The following TEAD2 variants were observed in gnomAD, a reference collection of about 807,000 sequenced individuals.
The protein encoded by TEAD2 is TEA domain transcription factor 2.
Under a neutral mutation model 61.4 loss-of-function variants are expected in TEAD2, and 51 were observed. The observed-to-expected ratio is 0.83, with a 90% CI of 0.66 to 1.05. The LOEUF (loss-of-function observed/expected upper bound fraction) is 1.05, where lower values mean the gene tolerates loss of function less well. Among genes scored for constraint, TEAD2 ranks in the 50% least tolerant of loss-of-function variants. TEAD2 has a pLI of 0.00. For synonymous variants in TEAD2, 244 were observed against 243.2 expected (o/e 1.00, Z -0.03); for missense variants, 509 against 600.0 (o/e 0.85, Z 1.58).
intron 1 of TEAD2, among the ~76,000 whole-genome samples, 156 bp downstream of exon 1, chr19:49,362,177 C>A (rs962191610): frequency 4.1e-4 from 63 of 152,350 alleles, no homozygotes; most frequent in African/African-American, 1.4e-3. Flanking sequence ...CGCAGGCACC[C>A]TAACTCCGGC....
chr19:49,348,376 G>C (rs992568022), intron 9 of TEAD2, among the ~76,000 whole-genome samples: 8 of 152,128 alleles, frequency 5.3e-5, no homozygotes, highest in African/African-American at 1.9e-4. Context: ...ACTCAAACAC[G>C]TTTGATAAAT....
At chr19:49,346,034 G>C (rs560864137) in intron 10 of TEAD2, among the ~76,000 whole-genome samples, 1 of 151,698 alleles carries the variant, frequency 6.6e-6, no homozygotes, top group East Asian at 1.9e-4. Flanking sequence ...GCATGGTCGT[G>C]CATGCCTGTA....
chr19:49,343,557 T>C (rs1268357045), intron 10 of TEAD2, among the ~76,000 whole-genome samples, 159 bp from the exon 11 acceptor site: 1 of 152,026 alleles, frequency 6.6e-6, no homozygotes, highest in Non-Finnish European at 1.5e-5. Flanking sequence ...CTGACCAACA[T>C]GGAGAAACCC....
Position 49,348,736 on chromosome 19 carries a change from T to A in TEAD2, c.714A>T (p.Ser238=), listed in dbSNP as rs1345452003. 1.2e-6 allele frequency: 2 copies of A among 1,613,832 alleles called. No homozygotes were observed. Among genetic ancestry groups the A allele is most frequent in the Non-Finnish European group, 1.7e-6 (2 of 1,180,000 alleles). Residue 238 remains serine (S), a synonymous_variant, in exon 9 of 13, where the codon TCA becomes TCT. Coordinates refer to ENST00000593945, the MANE Select transcript of TEAD2 (RefSeq NM_001256660.2). The part of the protein sequence containing the change: ...GTARLQLVEF[S]AFVEPPDAVD... ...CTGCATCTGGCGGTTCCACGAAGGC[T>A]GAGAACTCTACCAGCTGCAACCGGG... is the stretch of plus-strand genomic sequence containing the variant.
At position 49,340,770 on chromosome 19, in the gene TEAD2, C is replaced by T. The variant is rs1311057026; in HGVS notation, c.*554G>A. 2.5e-5 allele frequency: 5 copies of T among 200,158 alleles called. No homozygotes were observed. Among genetic ancestry groups the T allele is most frequent in the Admixed American group, 5.5e-5 (1 of 18,294 alleles). The allele number at this position is 200,158 out of a possible 1,614,324, so 12.4% of individuals were successfully genotyped here. ...GACCCTAGCACCCACTTATAAATAT[C>T]TCGTTATATTAAAAAAAAAAAAAAT... On this transcript the variant is annotated 3_prime_UTR_variant, in exon 13 of 13. Transcript: ENST00000593945.
chr19:49,351,016 T>C (rs774436207), intron 8 of TEAD2, among the ~76,000 whole-genome samples: 4 of 151,786 alleles, frequency 2.6e-5, no homozygotes, highest in Non-Finnish European at 5.9e-5. Context: ...CGATCTCTAC[T>C]AAAAATACAA....
intron 11 of TEAD2, among the ~76,000 whole-genome samples, chr19:49,342,797 G>C (rs1291160731): frequency 6.6e-6 from 1 of 151,940 alleles, no homozygotes; most frequent in Non-Finnish European, 1.5e-5. Flanking sequence ...CAAATCACAA[G>C]CCCCTCAAAG....
At chr19:49,346,284 C>G (rs1244986394) in intron 10 of TEAD2, among the ~76,000 whole-genome samples, 1 of 152,010 alleles carries the variant, frequency 6.6e-6, no homozygotes, top group African/African-American at 2.4e-5. Flanking sequence ...CAAGATGGGC[C>G]CTCTTAGTCC....
chr19:49,341,106 T>C lies in TEAD2; in HGVS notation c.*218A>G. ...TCAGACACCCACTGTGAGGTCCCAATATCGGGGTTTATCCTTTCCTCAGTC... is the reference window on the plus strand; with the variant it reads ...TCAGACACCCACTGTGAGGTCCCAACATCGGGGTTTATCCTTTCCTCAGTC... On this transcript the variant is annotated 3_prime_UTR_variant, in exon 13 of 13. Transcript: ENST00000593945. This position sits in a 1 kb window ranked among gnomAD's most constrained non-coding sequence, Gnocchi z 4.2. 1.9e-6 allele frequency: 1 copy of C among 520,572 alleles called. No individual in the cohort carries two copies. The allele number at this position is 520,572 out of a possible 1,614,324, so 32.2% of individuals were successfully genotyped here.
Position 49,355,158 on chromosome 19 carries a change from T to G in TEAD2, c.529A>C (p.Asn177His). 6.2e-7 allele frequency: 1 copy of G among 1,609,230 alleles called. No homozygotes were observed. Among genetic ancestry groups the G allele is most frequent in the Non-Finnish European group, 8.5e-7 (1 of 1,177,710 alleles). The change falls in exon 7 of 13, where the codon AAT (asparagine) becomes CAT (histidine). Residue 177 changes from asparagine (N) to histidine (H), a missense_variant. By Grantham distance (68) the Asn-to-His change is moderately conservative. Transcript: ENST00000593945. The stretch of plus-strand genomic sequence containing the variant: ...ACACATAGTACTCACTCTGGAACAT[T>G]CCAGGGGGGCCCAGATCCTCCAGAC... ...FWSGGSGPPW[N>H]VPDVKPFSQT...
At chr19:49,356,614 C>A (rs1463028496) in intron 4 of TEAD2, among the ~76,000 whole-genome samples, 3 of 151,962 alleles carry the variant, frequency 2.0e-5, no homozygotes, top group Non-Finnish European at 2.9e-5. Flanking sequence ...GAAAACAAAC[C>A]AGCGGAGATG....
rs1600794723 is a variant in TEAD2, at chr19:49,359,616, T to G, written c.233-117A>C. On this transcript the variant is annotated intron_variant, in intron 2 of 12. Coordinates refer to ENST00000593945, the MANE Select transcript of TEAD2 (RefSeq NM_001256660.2). The surrounding 1 kb of genome is among the most constrained non-coding windows in gnomAD (Gnocchi z 4.1). ...CCCCAAAGGTCTGCAGCAAGTGGGC[T>G]GCCGGTCCCCTCAGCTACGTGGAAG... 6.4e-6 allele frequency: 8 copies of G among 1,259,636 alleles called. No homozygotes were observed. In the East Asian group the frequency reaches 1.9e-4, roughly 29 times the overall value. The allele number at this position is 1,259,636 out of a possible 1,614,324, so 78.0% of individuals were successfully genotyped here. A position where few individuals can be genotyped will look rare whatever the true frequency, so the allele number is the denominator to read the frequency against.
rs921454553 is a variant in TEAD2 at position 49,343,350 on chromosome 19, T to C, written c.970A>G (p.Ser324Gly). ...CCGTAGAAGCCACCACTGCTGATGC[T>C]GCCACCGGCCCCTGCCTCCTCACCA... Reference protein sequence around the residue: ...PSGEEAGAGGSISSGGFYGVS... With the variant: ...PSGEEAGAGGGISSGGFYGVS... Residue 324 changes from serine to glycine, a missense_variant, in exon 11 of 13, where the codon AGC becomes GGC. Transcript: ENST00000593945. 8.1e-6 allele frequency: 13 copies of C among 1,613,556 alleles called. No homozygotes were observed. Among genetic ancestry groups the C allele is most frequent in the Non-Finnish European group, 8.5e-6 (10 of 1,179,884 alleles).
Position 49,358,636 on chromosome 19 carries a change from C to CTT in TEAD2, c.297+797_297+798dup, listed in dbSNP as rs113776627. Reference sequence around the variant, plus strand: ...ATAAAGCTCTTTTCTTTCTTTCTTTCTTTTTTTTTTTTTTTGAGGTGGAGT... The same window carrying CTT: ...ATAAAGCTCTTTTCTTTCTTTCTTTCTTTTTTTTTTTTTTTTTGAGGTGGAGT... On this transcript the variant is annotated intron_variant, in intron 3 of 12. Coordinates refer to ENST00000593945, the MANE Select transcript of TEAD2 (RefSeq NM_001256660.2). Among the ~76,000 whole-genome samples, 581 of 141,056 alleles carry CTT rather than the reference C, an allele frequency of 4.1e-3. 4 individuals carry two copies. Among genetic ancestry groups the CTT allele is most frequent in the African/African-American group, 0.014 (543 of 38,648 alleles). 92.5% of individuals were successfully genotyped at this position (141,056 alleles called of 152,430 possible).
chr19:49,350,196 G>C (rs551363968), intron 8 of TEAD2, among the ~76,000 whole-genome samples: 1 of 152,284 alleles, frequency 6.6e-6, no homozygotes, highest in Admixed American at 6.5e-5. Context: ...GTGGAAAGCA[G>C]ATCAAAGTAA....
chr19:49,351,006 C>T (rs947353658), intron 8 of TEAD2, among the ~76,000 whole-genome samples: 8 of 151,934 alleles, frequency 5.3e-5, no homozygotes, highest in Non-Finnish European at 7.4e-5. Flanking sequence ...TGGTGAAACC[C>T]GATCTCTACT....
intron 10 of TEAD2, among the ~76,000 whole-genome samples, chr19:49,345,474 T>G (rs1971570840): frequency 6.6e-6 from 1 of 152,092 alleles, no homozygotes; most frequent in Non-Finnish European, 1.5e-5. Context: ...TGCCTCAGCC[T>G]CCACAGAAGC....
chr19:49,355,021 G>GCATACATGCATA (rs1972284879), intron 7 of TEAD2, 127 bp downstream of exon 7: 7 of 630,400 alleles, frequency 1.1e-5, no homozygotes, highest in East Asian at 8.5e-5. Flanking sequence ...ATACATACAT[G>GCATACATGCATA]CATACATACA....
intron 12 of TEAD2, 24 bp downstream of exon 12, chr19:49,342,414 C>A (rs752840923): frequency 6.2e-6 from 10 of 1,609,884 alleles, no homozygotes; most frequent in South Asian, 5.5e-5. Flanking sequence ...GGGGGCCCCA[C>A]TCCAGCCCAG....
Sources: gnomAD v4.1 joint callset for allele counts (sites outside exome capture counted in the v4.1 genomes callset) on GRCh38, gnomAD v4.1.1 for gene constraint, Gnocchi (gnomAD v3.1) non-coding constraint, MANE v1.5 for transcripts, NCBI Gene and HGNC (gene_info 2026-07-23, HGNC 2026-07-21) for gene names.